Variants in RWDD1 observed in about 807,000 individuals in gnomAD.
RWDD1 encodes the protein RWD domain containing 1.
A neutral mutation model predicts 31.6 loss-of-function variants in RWDD1; 17 were observed. That is an observed-to-expected ratio of 0.54 (90% CI 0.37 to 0.81). RWDD1 has a LOEUF of 0.81. Ranked by LOEUF, RWDD1 falls within the 30% of genes least tolerant of loss-of-function variation. The pLI is 0.00. For missense variants in RWDD1, 204 were observed against 274.5 expected (o/e 0.74, Z 1.82); for synonymous variants, 78 against 94.2 (o/e 0.83, Z 0.99).
intron 2 of RWDD1, among the ~76,000 whole-genome samples, chr6:116,582,557 A>G (rs1235627627): frequency 6.6e-6 from 1 of 152,116 alleles, no homozygotes; most frequent in East Asian, 1.9e-4. Flanking sequence ...GTAATAATGC[A>G]CTACAATAGA....
intron 1 of RWDD1, among the ~76,000 whole-genome samples, chr6:116,576,227 C>G (rs939847664): frequency 1.5e-4 from 23 of 152,290 alleles, no homozygotes; most frequent in African/African-American, 5.5e-4. Flanking sequence ...ATACCTTATA[C>G]CTTATAATTG....
At position 116,595,575 on chromosome 6, in the gene RWDD1, C is replaced by T. The variant is rs1364613330; in HGVS notation, c.*2474C>T. ...TTGGTAAAGTTTTTGTTTTTCTACT[C>T]GTGCCAGTTGTATTAAAATGTCACT... On this transcript the variant is annotated 3_prime_UTR_variant, in exon 7 of 7. Transcript: ENST00000466444. 1 of 152,134 alleles carries T rather than the reference C, an allele frequency of 6.6e-6. No individual in the cohort carries two copies. The highest frequency in any genetic ancestry group is 1.9e-4 in the East Asian group (1 of 5,194). The allele number at this position is 152,134 out of a possible 1,614,324, so 9.4% of individuals were successfully genotyped here. A position where few individuals can be genotyped will look rare whatever the true frequency, so the allele number is the denominator to read the frequency against.
At chr6:116,585,939 A>T (rs1360509469) in intron 3 of RWDD1, among the ~76,000 whole-genome samples, 1 of 152,122 alleles carries the variant, frequency 6.6e-6, no homozygotes, top group African/African-American at 2.4e-5. Context: ...GATTACAGGC[A>T]TGAACTACCT....
intron 3 of RWDD1, among the ~76,000 whole-genome samples, chr6:116,586,787 T>G (rs1562379042): frequency 6.6e-6 from 1 of 152,128 alleles, no homozygotes; most frequent in Non-Finnish European, 1.5e-5. Flanking sequence ...ATTGCTGGAT[T>G]AAAGGGAATG....
intron 5 of RWDD1, 89 bp from the exon 6 acceptor site, chr6:116,590,799 A>G: frequency 6.8e-7 from 1 of 1,470,972 alleles, no homozygotes; most frequent in Non-Finnish European, 9.0e-7. Flanking sequence ...ACAGAAAAAG[A>G]GGTTTTCAAA....
intron 1 of RWDD1, among the ~76,000 whole-genome samples, chr6:116,577,153 A>G (rs1774860896): frequency 6.6e-6 from 1 of 152,308 alleles, no homozygotes; most frequent in East Asian, 1.9e-4. Context: ...CTTTATATGG[A>G]TAGGGAACTG....
At chr6:116,584,696 A>G (rs774990586) in intron 2 of RWDD1, 31 bp from the exon 3 acceptor site, 2 of 1,592,748 alleles carry the variant, frequency 1.3e-6, no homozygotes. Flanking sequence ...CTTTTAAGGT[A>G]TTCACATCAA....
chr6:116,573,866 TTTG>T (rs762673364), intron 1 of RWDD1, among the ~76,000 whole-genome samples: 3 of 152,224 alleles, frequency 2.0e-5, no homozygotes, highest in South Asian at 4.2e-4. Flanking sequence ...CAAAGAAGCA[TTTG>T]TTAAGTACAC....
rs1008698479 is a variant in RWDD1 at position 116,595,912 on chromosome 6, C to T, written c.*2811C>T. 3 of 152,122 alleles carry T rather than the reference C, an allele frequency of 2.0e-5. No homozygotes were observed. Among genetic ancestry groups the T allele is most frequent in the East Asian group, 1.9e-4 (1 of 5,196 alleles). 9.4% of individuals were successfully genotyped at this position (152,122 alleles called of 1,614,324 possible). On this transcript the variant is annotated 3_prime_UTR_variant, in exon 7 of 7. Transcript: ENST00000466444. ...TCTAAATGGTTATGTGAACATTTCC[C>T]AGTTGGGGTAAAACTAAGAGGAGTG...
At chr6:116,584,284 C>G (rs1405948819) in intron 2 of RWDD1, among the ~76,000 whole-genome samples, 2 of 152,222 alleles carry the variant, frequency 1.3e-5, no homozygotes, top group South Asian at 2.1e-4. Flanking sequence ...CTAATTAGCC[C>G]TGCTGACATT....
Position 116,572,975 on chromosome 6 carries a change from T to G in RWDD1, c.73+1320T>G, listed in dbSNP as rs1774771463. 3.0e-6 allele frequency: 3 copies of G among 985,530 alleles called. No homozygotes were observed. The African/African-American group carries it at 5.2e-5, about 17-fold the overall frequency. The allele number at this position is 985,530 out of a possible 1,614,324, so 61.0% of individuals were successfully genotyped here. ...ATGAGTGAAGAGGGGTTTGAGAGTGTCATTAACTGGGTGAGTGTGTATGGA... is the reference window on the plus strand; with the variant it reads ...ATGAGTGAAGAGGGGTTTGAGAGTGGCATTAACTGGGTGAGTGTGTATGGA... On this transcript the variant is annotated intron_variant, in intron 1 of 6. Coordinates refer to ENST00000466444, the MANE Select transcript of RWDD1 (RefSeq NM_015952.4).
Position 116,590,906 on chromosome 6 carries a change from CAG to C in RWDD1, c.568_569del (p.Asp190SerfsTer2). The C allele has an allele frequency of 6.5e-7, 1 of 1,550,010 alleles. No homozygotes were observed. The highest frequency in any genetic ancestry group is 8.6e-7 in the Non-Finnish European group (1 of 1,158,994). On this transcript the variant is annotated frameshift_variant, in exon 6 of 7. Transcript: ENST00000466444. LOFTEE classifies it high-confidence loss of function. Reference sequence around the variant, plus strand: ...TTTTTAGGGAAACAACTATTTGAAACAGATCATAATCTTGACACATCTGATAT... The same window carrying C: ...TTTTTAGGGAAACAACTATTTGAAACATCATAATCTTGACACATCTGATAT...
At chr6:116,575,244 C>G (rs2115322967) in intron 1 of RWDD1, among the ~76,000 whole-genome samples, 1 of 152,240 alleles carries the variant, frequency 6.6e-6, no homozygotes, top group South Asian at 2.1e-4. Flanking sequence ...TGCCACCATG[C>G]CTGGCTAATT....
chr6:116,596,652 C>T lies in RWDD1; in HGVS notation c.*3551C>T, dbSNP rs1170411024. On this transcript the variant is annotated 3_prime_UTR_variant, in exon 7 of 7. Coordinates refer to ENST00000466444, the MANE Select transcript of RWDD1 (RefSeq NM_015952.4). Reference sequence around the variant, plus strand: ...TTGACAACCTTATATTCATTGACACCATGGACAGCACAGTAAAAAAATACA... The same window carrying T: ...TTGACAACCTTATATTCATTGACACTATGGACAGCACAGTAAAAAAATACA... The T allele has an allele frequency of 1.3e-5, 2 of 151,994 alleles. No homozygotes were observed. Among genetic ancestry groups the T allele is most frequent in the African/African-American group, 4.8e-5 (2 of 41,370 alleles). The allele number at this position is 151,994 out of a possible 1,614,324, so 9.4% of individuals were successfully genotyped here.
chr6:116,594,848 C>G lies in RWDD1; in HGVS notation c.*1747C>G, dbSNP rs911194569. The G allele has an allele frequency of 6.6e-6, 1 of 152,176 alleles. No homozygotes were observed. The highest frequency in any genetic ancestry group is 2.4e-5 in the African/African-American group (1 of 41,442). The allele number at this position is 152,176 out of a possible 1,614,324, so 9.4% of individuals were successfully genotyped here. ...CAGTAAAAAATACATATGCCACATA[C>G]CCACAAACAGCAATATTAAGCCTTC... On this transcript the variant is annotated 3_prime_UTR_variant, in exon 7 of 7. Transcript: ENST00000466444.
At chr6:116,581,138 A>C (rs527320704) in intron 2 of RWDD1, among the ~76,000 whole-genome samples, 1 of 152,272 alleles carries the variant, frequency 6.6e-6, no homozygotes, top group South Asian at 2.1e-4. Flanking sequence ...CTGACTTAAA[A>C]GGATATTGAA....
At position 116,596,964 on chromosome 6, in the gene RWDD1, T is replaced by C. The variant is rs1158681864; in HGVS notation, c.*3863T>C. On this transcript the variant is annotated 3_prime_UTR_variant, in exon 7 of 7. Coordinates refer to ENST00000466444, the MANE Select transcript of RWDD1 (RefSeq NM_015952.4). ...AAATTTATTCTGTGATATACCAAAC[T>C]TACAAAGTCACTCTGCGATTTCAGT... is the stretch of plus-strand genomic sequence containing the variant. 6.6e-6 allele frequency: 1 copy of C among 152,170 alleles called. No individual in the cohort carries two copies. The highest frequency in any genetic ancestry group is 1.5e-5 in the Non-Finnish European group (1 of 68,026). The allele number at this position is 152,170 out of a possible 1,614,324, so 9.4% of individuals were successfully genotyped here. A position where few individuals can be genotyped will look rare whatever the true frequency, so the allele number is the denominator to read the frequency against.
Position 116,590,371 on chromosome 6 carries a change from G to C in RWDD1, c.514G>C (p.Glu172Gln). 1 of 1,595,404 alleles carries C rather than the reference G, an allele frequency of 6.3e-7. No homozygotes were observed. Among genetic ancestry groups the C allele is most frequent in the Non-Finnish European group, 8.5e-7 (1 of 1,174,262 alleles). The change falls in exon 5 of 7, where the codon GAA (glutamate) becomes CAA (glutamine). Residue 172 changes from glutamate to glutamine, a missense_variant. By Grantham distance (29) the Glu-to-Gln change is conservative. Coordinates refer to ENST00000466444, the MANE Select transcript of RWDD1 (RefSeq NM_015952.4). ...LLEIKKKRMKEEEQAGKNKLS... is the reference protein window; with the variant it reads ...LLEIKKKRMKQEEQAGKNKLS... ...GGAAATTAAAAAGAAAAGGATGAAA[G>C]AAGAAGAACAAGCAGGAAAAAATAA...
chr6:116,572,189 C>T (rs906040853), intron 1 of RWDD1, among the ~76,000 whole-genome samples: 5 of 151,646 alleles, frequency 3.3e-5, no homozygotes, highest in Admixed American at 1.3e-4. Context: ...TGGCATTCAG[C>T]AGAATGCCTA....
Sources: gnomAD v4.1 joint callset for allele counts (sites outside exome capture counted in the v4.1 genomes callset) on GRCh38, gnomAD v4.1.1 for gene constraint, MANE v1.5 for transcripts, NCBI Gene and HGNC (gene_info 2026-07-23, HGNC 2026-07-21) for gene names.